The following ZC2HC1A variants were observed in gnomAD, a reference collection of about 807,000 sequenced individuals.
ZC2HC1A encodes the protein zinc finger C2HC-type containing 1A, also known as zinc finger C2HC domain-containing protein 1A.
A neutral mutation model predicts 40.7 loss-of-function variants in ZC2HC1A; 28 were observed. That is an observed-to-expected ratio of 0.69 (90% CI 0.51 to 0.94). ZC2HC1A has a LOEUF of 0.94. Ranked by LOEUF, ZC2HC1A falls within the 40% of genes least tolerant of loss-of-function variation. The pLI is 0.00. For missense variants in ZC2HC1A, 389 were observed against 386.3 expected, an observed-to-expected ratio of 1.01 and a Z score of -0.06; for synonymous variants, 129 against 129.2, an observed-to-expected ratio of 1.00 and a Z score of 0.01.
At chr8:78,712,096 C>T in intron 7 of ZC2HC1A, 1 of 1,286,020 alleles carries the variant, frequency 7.8e-7, no homozygotes, top group Non-Finnish European at 1.0e-6. Context: ...TGAGTTATTA[C>T]CTATTTACAA....
At chr8:78,715,061 AACT>A (rs1288410695) in intron 7 of ZC2HC1A, among the ~76,000 whole-genome samples, 157 bp from the exon 8 acceptor site, 1 of 152,222 alleles carries the variant, frequency 6.6e-6, no homozygotes, top group African/African-American at 2.4e-5. Flanking sequence ...CTTTAATATT[AACT>A]ACTATTTGCT....
chr8:78,680,144 A>T lies in ZC2HC1A; in HGVS notation c.210+1465A>T, dbSNP rs957264588. Among the ~76,000 whole-genome samples, 4 of 152,150 alleles carry T rather than the reference A, an allele frequency of 2.6e-5. No individual in the cohort carries two copies. In the East Asian group the frequency reaches 7.7e-4, roughly 29 times the overall value. On this transcript the variant is annotated intron_variant, in intron 3 of 8. Transcript: ENST00000263849. ...GTGGTTATTGTAGGGATTACATAAGATTATCCATGGTGATTTCAATGAATA... is the reference window on the plus strand; with the variant it reads ...GTGGTTATTGTAGGGATTACATAAGTTTATCCATGGTGATTTCAATGAATA...
intron 7 of ZC2HC1A, among the ~76,000 whole-genome samples, chr8:78,702,546 G>A (rs771347358): frequency 3.3e-5 from 5 of 151,934 alleles, no homozygotes; most frequent in Non-Finnish European, 5.9e-5. Flanking sequence ...TCTTTTAGTT[G>A]TGATCTTTGG....
chr8:78,675,916 A>G (rs1809564427), intron 2 of ZC2HC1A, 53 bp downstream of exon 2: 2 of 1,485,140 alleles, frequency 1.3e-6, no homozygotes, highest in African/African-American at 1.4e-5. Flanking sequence ...TAATTGTTCA[A>G]TAATTCTGGT....
chr8:78,687,177 A>T (rs759929777), intron 4 of ZC2HC1A, among the ~76,000 whole-genome samples: 2 of 152,034 alleles, frequency 1.3e-5, no homozygotes, highest in Non-Finnish European at 2.9e-5. Flanking sequence ...TGAGATACCG[A>T]AAAACTTAAA....
At chr8:78,692,935 A>G (rs1356535771) in intron 5 of ZC2HC1A, among the ~76,000 whole-genome samples, 4 of 151,718 alleles carry the variant, frequency 2.6e-5, no homozygotes, top group African/African-American at 9.7e-5. Flanking sequence ...CCTGTGTCCA[A>G]GTGCTCTCAT....
intron 1 of ZC2HC1A, among the ~76,000 whole-genome samples, chr8:78,667,134 G>A (rs762726323): frequency 3.9e-5 from 6 of 152,168 alleles, no homozygotes; most frequent in Non-Finnish European, 5.9e-5. Context: ...GCATGCCAGG[G>A]AGTAAAATAT....
At chr8:78,678,311 T>C (rs1809647619) in intron 2 of ZC2HC1A, among the ~76,000 whole-genome samples, 1 of 152,220 alleles carries the variant, frequency 6.6e-6, no homozygotes, top group Non-Finnish European at 1.5e-5. Flanking sequence ...GAGTATTAAA[T>C]AACTTAATGA....
chr8:78,675,558 T>C (rs2130429384), intron 1 of ZC2HC1A, among the ~76,000 whole-genome samples: 1 of 152,116 alleles, frequency 6.6e-6, no homozygotes, highest in South Asian at 2.1e-4. Context: ...CAGTATCAGT[T>C]TGGATATCTT....
chr8:78,715,897 G>A (rs117190951), intron 8 of ZC2HC1A, among the ~76,000 whole-genome samples: 3,550 of 151,374 alleles, frequency 0.023, 70 homozygotes, highest in Middle Eastern at 0.075. Flanking sequence ...AAAATTAGCC[G>A]GTTGTGGTGT....
At chr8:78,716,766 A>C (rs1306120378) in intron 8 of ZC2HC1A, among the ~76,000 whole-genome samples, 1 of 152,092 alleles carries the variant, frequency 6.6e-6, no homozygotes, top group African/African-American at 2.4e-5. Context: ...TGTAACCCTC[A>C]ACGTTAGAGG....
chr8:78,680,255 C>G (rs901579130), intron 3 of ZC2HC1A, among the ~76,000 whole-genome samples: 3 of 140,664 alleles, frequency 2.1e-5, no homozygotes, highest in Non-Finnish European at 1.5e-5. Context: ...AGTCCGCAGT[C>G]CGGCCTGGGC....
intron 5 of ZC2HC1A, among the ~76,000 whole-genome samples, chr8:78,697,060 G>A (rs1487466510): frequency 1.3e-5 from 2 of 152,106 alleles, no homozygotes; most frequent in Non-Finnish European, 2.9e-5. Context: ...AACCTTTGAG[G>A]TGATATATTT....
At chr8:78,666,299 G>A (rs1809294980) in intron 1 of ZC2HC1A, 135 bp downstream of exon 1, 1 of 1,435,288 alleles carries the variant, frequency 7.0e-7, no homozygotes, top group Non-Finnish European at 9.5e-7. Context: ...CGCCTCCGGA[G>A]GCTGGGGCCG....
chr8:78,678,777 T>C, intron 3 of ZC2HC1A, 98 bp downstream of exon 3: 1 of 700,526 alleles, frequency 1.4e-6, no homozygotes, highest in Non-Finnish European at 2.3e-6. Flanking sequence ...TAAACACAAT[T>C]ATCTGCTACA....
intron 3 of ZC2HC1A, among the ~76,000 whole-genome samples, chr8:78,681,134 G>GAGA (rs771163956): frequency 6.6e-6 from 1 of 151,808 alleles, no homozygotes; most frequent in Non-Finnish European, 1.5e-5. Context: ...TAATTACACA[G>GAGA]AGACGCCTTA....
intron 7 of ZC2HC1A, among the ~76,000 whole-genome samples, chr8:78,703,432 A>C (rs930001855): frequency 6.6e-6 from 1 of 152,080 alleles, no homozygotes; most frequent in African/African-American, 2.4e-5. Context: ...GGTCTCTAAG[A>C]ACTTGGTTTA....
intron 1 of ZC2HC1A, among the ~76,000 whole-genome samples, chr8:78,666,564 C>G (rs116863722): frequency 0.013 from 2,045 of 152,296 alleles, 26 homozygotes; most frequent in South Asian, 0.031. Context: ...ACCAACAGGC[C>G]ACTTTGTGCT....
At chr8:78,701,940 T>C (rs574061657) in intron 7 of ZC2HC1A, among the ~76,000 whole-genome samples, 1 of 152,326 alleles carries the variant, frequency 6.6e-6, no homozygotes, top group East Asian at 1.9e-4. Flanking sequence ...GTTTCCTTTT[T>C]TGTTGTGTCT....
Sources: gnomAD v4.1 joint callset for allele counts (sites outside exome capture counted in the v4.1 genomes callset) on GRCh38, gnomAD v4.1.1 for gene constraint, MANE v1.5 for transcripts, NCBI Gene and HGNC (gene_info 2026-07-23, HGNC 2026-07-21) for gene names.